The following USP10 variants were observed in gnomAD, a reference collection of about 807,000 sequenced individuals.
USP10 encodes ubiquitin carboxyl-terminal hydrolase 10.
Under a neutral mutation model 84.5 loss-of-function variants are expected in USP10, and 22 were observed. That is an observed-to-expected ratio of 0.26 (90% confidence interval 0.19 to 0.37). USP10 has a LOEUF of 0.37. Among genes scored for constraint, USP10 ranks in the 10% least tolerant of loss-of-function variants. The pLI is 1.00. For synonymous variants in USP10, 454 were observed against 387.6 expected, an observed-to-expected ratio of 1.17 and a Z score of -2.01; for missense variants, 1,019 against 998.9, an observed-to-expected ratio of 1.02 and a Z score of -0.27.
intron 1 of USP10, among the ~76,000 whole-genome samples, chr16:84,725,358 T>C (rs1324546437): frequency 6.6e-6 from 1 of 152,234 alleles, no homozygotes; most frequent in Non-Finnish European, 1.5e-5. Flanking sequence ...TGTTGTAGCA[T>C]GCATTAGTCT....
At chr16:84,742,569 T>A (rs1910747339) in intron 3 of USP10, among the ~76,000 whole-genome samples, 1 of 152,214 alleles carries the variant, frequency 6.6e-6, no homozygotes, top group Admixed American at 6.5e-5. Context: ...ATTCGTGGTT[T>A]TAAGAGCCTC....
rs1012351716 is a variant in USP10, at chr16:84,726,153, C to T, written c.22-7282C>T. 3.9e-5 allele frequency among the ~76,000 whole-genome samples: 6 copies of T among 152,202 alleles called. No individual in the cohort carries two copies. In the South Asian group the frequency reaches 8.3e-4, roughly 21 times the overall value. On this transcript the variant is annotated intron_variant, in intron 1 of 13. Transcript: ENST00000219473. ...GCAGAGAATGTTAATTTGGAACAAC[C>T]TGCATATTTATTCAAATTTCCAGAG...
At position 84,733,491 on chromosome 16, in the gene USP10, A is replaced by C; in HGVS notation, c.78A>C (p.Arg26=). Residue 26 remains arginine (R), a synonymous_variant, in exon 2 of 14, where the codon CGA becomes CGC. Coordinates refer to ENST00000219473, the MANE Select transcript of USP10 (RefSeq NM_005153.3). ...DEFNQFFVTP[R]SSVELPPYSG... ...TCAATCAATTCTTTGTGACTCCTCG[A>C]TCTTCAGTTGAGGTAAGACAAAACT... The C allele has an allele frequency of 6.2e-7, 1 of 1,609,868 alleles. No individual in the cohort carries two copies. Among genetic ancestry groups the C allele is most frequent in the Non-Finnish European group, 8.5e-7 (1 of 1,178,948 alleles).
intron 1 of USP10, among the ~76,000 whole-genome samples, chr16:84,710,231 T>A (rs1410023267): frequency 1.3e-5 from 2 of 148,150 alleles, no homozygotes; most frequent in Non-Finnish European, 3.0e-5. Flanking sequence ...ACTGTGCCAC[T>A]GCACTCTAGC....
At chr16:84,735,181 C>T (rs542012903) in intron 2 of USP10, among the ~76,000 whole-genome samples, 33 of 147,634 alleles carry the variant, frequency 2.2e-4, no homozygotes, top group African/African-American at 8.2e-4. Context: ...CAGGTGTGTG[C>T]TGCCAGGCCC....
intron 1 of USP10, among the ~76,000 whole-genome samples, chr16:84,702,463 G>A (rs1905013567): frequency 6.6e-6 from 1 of 152,144 alleles, no homozygotes; most frequent in African/African-American, 2.4e-5. Flanking sequence ...CATTCTGAGC[G>A]TTTTAATAAA....
chr16:84,713,577 G>A lies in USP10; in HGVS notation c.21+13466G>A, dbSNP rs75255143. On this transcript the variant is annotated intron_variant, in intron 1 of 13. Coordinates refer to ENST00000219473, the MANE Select transcript of USP10 (RefSeq NM_005153.3). ...GGGGTTTTTGTTTGCTTTGTTCACT[G>A]CTGGGGCCCCTAGTCCTAGAATGTG... 3.6e-3 allele frequency among the ~76,000 whole-genome samples: 543 copies of A among 152,278 alleles called. 2 individuals carry two copies. Among genetic ancestry groups the A allele is most frequent in the African/African-American group, 9.0e-3 (372 of 41,552 alleles).
At chr16:84,704,764 A>G (rs1395891186) in intron 1 of USP10, 2 of 1,535,096 alleles carry the variant, frequency 1.3e-6, no homozygotes, top group Non-Finnish European at 1.7e-6. Context: ...TCCCATTTTC[A>G]TCAGATGACT....
chr16:84,704,946 T>TA, intron 1 of USP10: 1 of 1,526,146 alleles, frequency 6.6e-7, no homozygotes, highest in Non-Finnish European at 8.8e-7. Flanking sequence ...TGAGAATTGT[T>TA]AGGAGAATGT....
Position 84,709,778 on chromosome 16 carries a change from G to T in USP10, c.21+9667G>T, listed in dbSNP as rs1906036953. The stretch of plus-strand genomic sequence containing the variant: ...GAGCTGGAGTTTTTCAGGCAGAGAA[G>T]CACACGGACAAGGGCATGTGGAGGA... On this transcript the variant is annotated intron_variant, in intron 1 of 13. Coordinates refer to ENST00000219473, the MANE Select transcript of USP10 (RefSeq NM_005153.3). Among the ~76,000 whole-genome samples the T allele has an allele frequency of 2.6e-5, 4 of 152,268 alleles. No individual in the cohort carries two copies. In the South Asian group the frequency reaches 6.2e-4, roughly 24 times the overall value.
chr16:84,712,051 T>G (rs546003283), intron 1 of USP10, among the ~76,000 whole-genome samples: 5 of 152,260 alleles, frequency 3.3e-5, no homozygotes, highest in African/African-American at 1.2e-4. Context: ...CAGAAACACC[T>G]TGCAGCTGTG....
intron 1 of USP10, among the ~76,000 whole-genome samples, chr16:84,711,094 C>T (rs1355401330): frequency 6.6e-6 from 1 of 152,086 alleles, no homozygotes; most frequent in Non-Finnish European, 1.5e-5. Flanking sequence ...GACATTTTGC[C>T]ACTTTGAAGA....
chr16:84,768,773 A>G (rs963122389), intron 11 of USP10, among the ~76,000 whole-genome samples: 13 of 152,202 alleles, frequency 8.5e-5, no homozygotes, highest in African/African-American at 3.1e-4. Context: ...TTGATTGTAG[A>G]TCTTCCAGGT....
chr16:84,750,034 G>A lies in USP10; in HGVS notation c.1192+4361G>A, dbSNP rs996231805. On this transcript the variant is annotated intron_variant, in intron 4 of 13. Coordinates refer to ENST00000219473, the MANE Select transcript of USP10 (RefSeq NM_005153.3). ...CTAAACACAAAAGCCCTGTCTTGCC[G>A]AGGGTTGGAGAGGGATCTGTGTTTC... Among the ~76,000 whole-genome samples the A allele has an allele frequency of 4.3e-4, 66 of 152,162 alleles. 1 individual carries two copies. Among genetic ancestry groups the A allele is most frequent in the Non-Finnish European group, 1.9e-4 (13 of 68,044 alleles).
At chr16:84,775,013 T>C in intron 12 of USP10, 147 bp from the exon 13 acceptor site, 1 of 678,742 alleles carries the variant, frequency 1.5e-6, no homozygotes, top group Non-Finnish European at 2.6e-6. Context: ...GAGTCAATTT[T>C]TGTGCAACTG....
chr16:84,743,992 A>G (rs571288086), intron 3 of USP10, among the ~76,000 whole-genome samples: 1 of 152,344 alleles, frequency 6.6e-6, no homozygotes, highest in Admixed American at 6.5e-5. Context: ...GAGGAGACCA[A>G]GAGATAGAGA....
At chr16:84,772,493 T>C in intron 11 of USP10, 48 bp from the exon 12 acceptor site, 1 of 1,608,282 alleles carries the variant, frequency 6.2e-7, no homozygotes, top group East Asian at 2.2e-5. Context: ...GTGTTAGCTG[T>C]TGCAAGTAAG....
rs560770085 is a variant in USP10 at position 84,740,151 on chromosome 16, G to A, written c.91-158G>A. Among the ~76,000 whole-genome samples, 3 of 152,316 alleles carry A rather than the reference G, an allele frequency of 2.0e-5. No homozygotes were observed. In the East Asian group the frequency reaches 5.8e-4, roughly 29 times the overall value. Reference sequence around the variant, plus strand: ...TTTTTCGTTAAATGAAGATGATTTAGATTGCACTGACTCTTCATGTATGTT... The same window carrying A: ...TTTTTCGTTAAATGAAGATGATTTAAATTGCACTGACTCTTCATGTATGTT... On this transcript the variant is annotated intron_variant, in intron 2 of 13. Transcript: ENST00000219473.
chr16:84,764,722 T>A (rs1913626563), intron 10 of USP10, among the ~76,000 whole-genome samples: 1 of 151,616 alleles, frequency 6.6e-6, no homozygotes, highest in South Asian at 2.1e-4. Context: ...TCCCAGCTAT[T>A]AGGGAGGCTG....
Sources: allele counts gnomAD v4.1 joint callset (sites outside exome capture counted in the v4.1 genomes callset), GRCh38; gene constraint gnomAD v4.1.1; transcripts MANE v1.5; gene names NCBI Gene and HGNC (gene_info 2026-07-23, HGNC 2026-07-21).